Variants in TPRG1 observed in about 807,000 individuals in gnomAD.
The protein encoded by TPRG1 is tumor protein p63-regulated gene 1 protein.
A neutral mutation model predicts 29.3 loss-of-function variants in TPRG1; 29 were observed. The observed-to-expected ratio is 0.99, with a 90% CI of 0.74 to 1.35. The LOEUF (loss-of-function observed/expected upper bound fraction) is 1.35. Among genes scored for constraint, TPRG1 ranks in the 40% most tolerant of loss-of-function variants. TPRG1 has a pLI of 0.00. For synonymous variants in TPRG1, 130 were observed against 116.8 expected (o/e 1.11, Z -0.73); for missense variants, 327 against 335.0 (o/e 0.98, Z 0.19).
intron 3 of TPRG1, among the ~76,000 whole-genome samples, chr3:189,141,279 C>T (rs953509018): frequency 3.9e-5 from 6 of 152,060 alleles, no homozygotes; most frequent in African/African-American, 9.7e-5. Context: ...TGTATCTCAC[C>T]GAAGAGATAG....
intron 4 of TPRG1, among the ~76,000 whole-genome samples, chr3:189,039,994 A>G (rs1373609314): frequency 2.0e-5 from 3 of 152,134 alleles, no homozygotes; most frequent in African/African-American, 4.8e-5. Context: ...GAACCAGACC[A>G]TTGATCCATT....
chr3:189,087,366 T>G (rs898220375), intron 4 of TPRG1, among the ~76,000 whole-genome samples: 1 of 152,232 alleles, frequency 6.6e-6, no homozygotes, highest in African/African-American at 2.4e-5. Context: ...TAGTTTTTTC[T>G]TGTAAATTTG....
At chr3:189,011,680 C>T (rs1712609476) in intron 3 of TPRG1, among the ~76,000 whole-genome samples, 1 of 152,162 alleles carries the variant, frequency 6.6e-6, no homozygotes, top group Non-Finnish European at 1.5e-5. Context: ...CCCACTGGGT[C>T]CATCCCACAA....
chr3:189,057,019 T>C (rs1002686345), intron 4 of TPRG1, among the ~76,000 whole-genome samples: 5 of 152,236 alleles, frequency 3.3e-5, no homozygotes, highest in Non-Finnish European at 7.3e-5. Flanking sequence ...TAAAAATTAA[T>C]CACTCTTGCT....
chr3:189,028,080 T>G (rs1560402921), intron 4 of TPRG1, among the ~76,000 whole-genome samples: 1 of 152,208 alleles, frequency 6.6e-6, no homozygotes, highest in African/African-American at 2.4e-5. Context: ...ACTTACTGTG[T>G]GCCATGTGCT....
intron 1 of TPRG1, among the ~76,000 whole-genome samples, chr3:189,205,291 C>T (rs1734153007): frequency 6.6e-6 from 1 of 152,190 alleles, no homozygotes; most frequent in Non-Finnish European, 1.5e-5. Context: ...ATAAAGCAAA[C>T]TGCATAAGGC....
At chr3:189,248,039 T>A (rs1741613690) in intron 4 of TPRG1, among the ~76,000 whole-genome samples, 2 of 152,000 alleles carry the variant, frequency 1.3e-5, no homozygotes, top group South Asian at 4.1e-4. Context: ...CTACTTTCTC[T>A]TTATTCTCTA....
chr3:188,998,396 A>G (rs1034718639), intron 1 of TPRG1, among the ~76,000 whole-genome samples: 1 of 152,222 alleles, frequency 6.6e-6, no homozygotes, highest in Admixed American at 6.5e-5. Context: ...TGTTTAAGAC[A>G]CAAGGCCAGT....
At chr3:189,215,985 C>G (rs1040657333) in intron 3 of TPRG1, among the ~76,000 whole-genome samples, 5 of 152,114 alleles carry the variant, frequency 3.3e-5, no homozygotes, top group Admixed American at 3.3e-4. Context: ...CTTGCAAATA[C>G]CACCACAAAG....
chr3:189,245,999 G>C (rs1217923646), intron 4 of TPRG1, among the ~76,000 whole-genome samples: 1 of 152,020 alleles, frequency 6.6e-6, no homozygotes, highest in Non-Finnish European at 1.5e-5. Context: ...TATACTTACT[G>C]TTTGTATAGT....
intron 5 of TPRG1, among the ~76,000 whole-genome samples, chr3:189,158,767 C>T (rs1727041918): frequency 6.6e-6 from 1 of 152,096 alleles, no homozygotes; most frequent in African/African-American, 2.4e-5. Flanking sequence ...GGTTCTGTCT[C>T]CTTCCTTCAC....
intron 4 of TPRG1, among the ~76,000 whole-genome samples, chr3:189,288,303 G>A (rs1278984789): frequency 6.6e-6 from 1 of 152,130 alleles, no homozygotes; most frequent in African/African-American, 2.4e-5. Context: ...TAAACTTTAG[G>A]ATTTTTTTCT....
At chr3:189,042,100 G>A (rs1714668577) in intron 4 of TPRG1, among the ~76,000 whole-genome samples, 1 of 151,808 alleles carries the variant, frequency 6.6e-6, no homozygotes, top group African/African-American at 2.4e-5. Flanking sequence ...TCTTCTTAAG[G>A]TTAGGTCCTT....
At chr3:189,093,224 G>C (rs7630733) in intron 4 of TPRG1, among the ~76,000 whole-genome samples, 2 of 152,078 alleles carry the variant, frequency 1.3e-5, no homozygotes, top group African/African-American at 4.8e-5. Flanking sequence ...AAAGATGAAG[G>C]AGAAGATTAA....
At chr3:189,008,332 T>G (rs1712415490) in intron 3 of TPRG1, among the ~76,000 whole-genome samples, 1 of 152,124 alleles carries the variant, frequency 6.6e-6, no homozygotes, top group Admixed American at 6.6e-5. Context: ...CATATTGGAA[T>G]CACTTGGACA....
At chr3:189,134,393 T>TGGG (rs968311223) in intron 3 of TPRG1, among the ~76,000 whole-genome samples, 1 of 143,192 alleles carries the variant, frequency 7.0e-6, no homozygotes, top group African/African-American at 2.6e-5. Flanking sequence ...GAATAAGCAG[T>TGGG]GGGGGTATCC....
intron 1 of TPRG1, among the ~76,000 whole-genome samples, chr3:189,191,764 G>C (rs1731728082): frequency 6.6e-6 from 1 of 152,086 alleles, no homozygotes; most frequent in African/African-American, 2.4e-5. Flanking sequence ...TCCTGGTCTT[G>C]TTCCACCCCT....
chr3:189,053,671 C>T (rs1190001806), intron 4 of TPRG1, among the ~76,000 whole-genome samples: 1 of 152,216 alleles, frequency 6.6e-6, no homozygotes, highest in Non-Finnish European at 1.5e-5. Flanking sequence ...TGAGACTGAT[C>T]TCCCATCTTG....
At chr3:189,030,322 C>T (rs947977923) in intron 4 of TPRG1, among the ~76,000 whole-genome samples, 5 of 152,160 alleles carry the variant, frequency 3.3e-5, no homozygotes, top group Non-Finnish European at 5.9e-5. Context: ...TAAAAAACAA[C>T]ATCCAGTTAA....
Sources: gnomAD v4.1 joint callset for allele counts (sites outside exome capture counted in the v4.1 genomes callset) on GRCh38, gnomAD v4.1.1 for gene constraint, MANE v1.5 for transcripts, NCBI Gene and HGNC (gene_info 2026-07-23, HGNC 2026-07-21) for gene names.